Variants in INTU observed in about 807,000 individuals in gnomAD.
INTU encodes protein inturned.
Under a neutral mutation model 100.5 loss-of-function variants are expected in INTU, and 68 were observed. That is an observed-to-expected ratio of 0.68 (90% CI 0.56 to 0.83). INTU has a LOEUF of 0.83. Among genes scored for constraint, INTU ranks in the 40% least tolerant of loss-of-function variants. The pLI is 0.00. For synonymous variants in INTU, 357 were observed against 395.7 expected (o/e 0.90, Z 1.16); for missense variants, 1,071 against 1,114.7 (o/e 0.96, Z 0.56).
At chr4:127,633,847 A>G (rs2126167367) in intron 1 of INTU, among the ~76,000 whole-genome samples, 1 of 152,350 alleles carries the variant, frequency 6.6e-6, no homozygotes, top group African/African-American at 2.4e-5. Context: ...ATTTTGATTC[A>G]CAGTATTCAG....
chr4:127,645,970 G>A (rs1410919615), intron 2 of INTU, among the ~76,000 whole-genome samples: 2 of 151,908 alleles, frequency 1.3e-5, no homozygotes, highest in African/African-American at 2.4e-5. Flanking sequence ...ATCACTTGAG[G>A]CCAGGAGTTT....
At chr4:127,679,195 G>T (rs972221468) in intron 6 of INTU, among the ~76,000 whole-genome samples, 16 of 151,864 alleles carry the variant, frequency 1.1e-4, no homozygotes, top group Non-Finnish European at 1.8e-4. Flanking sequence ...ACAGATCAAT[G>T]AGACAGAAAG....
intron 2 of INTU, among the ~76,000 whole-genome samples, chr4:127,655,644 T>C (rs1041268828): frequency 1.3e-5 from 2 of 150,896 alleles, no homozygotes; most frequent in Non-Finnish European, 3.0e-5. Flanking sequence ...GACAGGGACA[T>C]TTAAGTCTGC....
intron 8 of INTU, among the ~76,000 whole-genome samples, chr4:127,690,846 A>G (rs930018748): frequency 1.3e-5 from 2 of 151,958 alleles, no homozygotes; most frequent in Admixed American, 6.6e-5. Context: ...ACATTGACAC[A>G]TCATAATAAC....
At chr4:127,674,563 G>A (rs1729085980) in intron 6 of INTU, among the ~76,000 whole-genome samples, 1 of 152,146 alleles carries the variant, frequency 6.6e-6, no homozygotes, top group South Asian at 2.1e-4. Flanking sequence ...TGGAGGTTTT[G>A]GAGAATTAAG....
intron 3 of INTU, among the ~76,000 whole-genome samples, chr4:127,658,361 CAGG>C (rs1181713381): frequency 6.6e-6 from 1 of 152,112 alleles, no homozygotes; most frequent in Admixed American, 6.5e-5. Context: ...TAGTAACAAT[CAGG>C]GGGACATCAG....
chr4:127,660,417 A>G (rs1333399024), intron 3 of INTU, among the ~76,000 whole-genome samples: 1 of 152,192 alleles, frequency 6.6e-6, no homozygotes, highest in Non-Finnish European at 1.5e-5. Flanking sequence ...CAGGGAAAGG[A>G]CAACACATGC....
At chr4:127,645,540 TTTTA>T (rs1203323069) in intron 2 of INTU, among the ~76,000 whole-genome samples, 2 of 151,888 alleles carry the variant, frequency 1.3e-5, no homozygotes, top group African/African-American at 2.4e-5. Context: ...GTTGTTATTT[TTTTA>T]TTTTTTATTT....
At chr4:127,652,118 G>T (rs1293055435) in intron 2 of INTU, among the ~76,000 whole-genome samples, 29 of 130,802 alleles carry the variant, frequency 2.2e-4, no homozygotes, top group African/African-American at 8.4e-4. Context: ...GGAGATTTTG[G>T]GCTGAGACAA....
Position 127,708,652 on chromosome 4 carries a change from A to G in INTU, c.2353A>G (p.Ile785Val), listed in dbSNP as rs774732898. The change falls in exon 13 of 16, where the codon ATA becomes GTA. Residue 785 changes from isoleucine to valine, a missense_variant. Physicochemically the swap from Ile to Val is conservative, Grantham distance 29. Transcript: ENST00000335251. Reference protein sequence around the residue: ...KKDLPEKELEIYNTVKLTSGP... With the variant: ...KKDLPEKELEVYNTVKLTSGP... The stretch of plus-strand genomic sequence containing the variant: ...GGACCTTCCAGAAAAAGAATTAGAA[A>G]TATATAACACAGTGAAGTAAGAAAC... 6.4e-7 allele frequency: 1 copy of G among 1,557,020 alleles called. No individual in the cohort carries two copies. Among genetic ancestry groups the G allele is most frequent in the Admixed American group, 1.7e-5 (1 of 58,514 alleles).
intron 2 of INTU, among the ~76,000 whole-genome samples, chr4:127,645,653 C>T (rs1054324080): frequency 7.2e-5 from 11 of 151,974 alleles, no homozygotes; most frequent in Admixed American, 2.0e-4. Flanking sequence ...CTCTACCTCC[C>T]GGGTTCAAGC....
rs1321494000 is a variant in INTU at position 127,706,552 on chromosome 4, T to C, written c.1854T>C (p.Pro618=). The C allele has an allele frequency of 3.1e-6, 5 of 1,614,044 alleles. No individual in the cohort carries two copies. The highest frequency in any genetic ancestry group is 1.7e-5 in the Admixed American group (1 of 59,994). ...GCGCATCCAAAGCTATTGGGAGTCC[T>C]GGACCAGACTGTGTATATGTGGATC... ...GGCASKAIGS[P]GPDCVYVDQV... The change falls in exon 12 of 16, where the codon CCT becomes CCC. Residue 618 remains proline, a synonymous_variant. Transcript: ENST00000335251.
chr4:127,722,914 C>T lies in INTU; in HGVS notation c.*6478C>T. On this transcript the variant is annotated 3_prime_UTR_variant, in exon 16 of 16. Transcript: ENST00000335251. ...AGGCTGCTTGGCTCCCTGGCTTCAG[C>T]CCCCTCCCCATGAGAGTGGACAGAT... 1 of 152,552 alleles carries T rather than the reference C, an allele frequency of 6.6e-6. No homozygotes were observed. Among genetic ancestry groups the T allele is most frequent in the Non-Finnish European group, 1.5e-5 (1 of 68,272 alleles). 9.4% of individuals were successfully genotyped at this position (152,552 alleles called of 1,614,324 possible). A position where few individuals can be genotyped will look rare whatever the true frequency, so the allele number is the denominator to read the frequency against.
chr4:127,642,776 GTTTT>G (rs138877814), intron 1 of INTU, among the ~76,000 whole-genome samples: 1 of 133,500 alleles, frequency 7.5e-6, no homozygotes, highest in Non-Finnish European at 1.6e-5. Context: ...CAGTAATTTT[GTTTT>G]TTTTTTCAGT....
intron 2 of INTU, among the ~76,000 whole-genome samples, chr4:127,656,164 T>C (rs1728209513): frequency 6.6e-6 from 1 of 152,176 alleles, no homozygotes; most frequent in Admixed American, 6.5e-5. Flanking sequence ...CAGATGGAAA[T>C]GCAGAAATCA....
chr4:127,652,042 A>G (rs1429532679), intron 2 of INTU, among the ~76,000 whole-genome samples: 1 of 143,706 alleles, frequency 7.0e-6, no homozygotes, highest in Admixed American at 6.9e-5. Context: ...GTGTATAAGA[A>G]TGCTTGTGAT....
At position 127,718,044 on chromosome 4, in the gene INTU, A is replaced by G. The variant is rs1285141981; in HGVS notation, c.*1608A>G. On this transcript the variant is annotated 3_prime_UTR_variant, in exon 16 of 16. Transcript: ENST00000335251. ...TTGTTGCAGTTGCTTTTGTGATTTC[A>G]TCATGAAATCTTTGCCCATGCTCAT... 6.6e-6 allele frequency: 1 copy of G among 152,088 alleles called. No individual in the cohort carries two copies. Among genetic ancestry groups the G allele is most frequent in the Non-Finnish European group, 1.5e-5 (1 of 67,998 alleles). 9.4% of individuals were successfully genotyped at this position (152,088 alleles called of 1,614,324 possible).
rs781312156 is a variant in INTU, at chr4:127,716,346, A to T, written c.2739A>T (p.Lys913Asn). 2.7e-5 allele frequency: 42 copies of T among 1,565,860 alleles called. No individual in the cohort carries two copies. Among genetic ancestry groups the T allele is most frequent in the Non-Finnish European group, 3.5e-5 (40 of 1,155,736 alleles). Reference sequence around the variant, plus strand: ...GCAGGAGACTTTTTCTTCATCCAAAACCTCAAGAACTTTATGTCTGTTTTC... The same window carrying T: ...GCAGGAGACTTTTTCTTCATCCAAATCCTCAAGAACTTTATGTCTGTTTTC... The part of the protein sequence containing the change: ...WVVGRLFLHP[K>N]PQELYVCFHD... The change falls in exon 16 of 16, where the codon AAA becomes AAT. Residue 913 changes from lysine (K) to asparagine (N), a missense_variant. Transcript: ENST00000335251.
At chr4:127,708,539 T>C (rs1730977215) in intron 12 of INTU, 32 bp from the exon 13 acceptor site, 6 of 1,123,080 alleles carry the variant, frequency 5.3e-6, no homozygotes, top group Non-Finnish European at 8.0e-6. Context: ...CATTCTTAGA[T>C]ATAAACTGAT....
Sources: allele counts gnomAD v4.1 joint callset (sites outside exome capture counted in the v4.1 genomes callset), GRCh38; gene constraint gnomAD v4.1.1; transcripts MANE v1.5; gene names NCBI Gene and HGNC (gene_info 2026-07-23, HGNC 2026-07-21).